Variants in GREB1 observed in about 807,000 individuals in gnomAD.
GREB1 encodes the protein protein GREB1.
Under a neutral mutation model 200.7 loss-of-function variants are expected in GREB1, and 106 were observed. That is an observed-to-expected ratio of 0.53 (90% confidence interval 0.45 to 0.62). The LOEUF is 0.62. Among genes scored for constraint, GREB1 ranks in the 20% least tolerant of loss-of-function variants. The pLI is 0.00. For synonymous variants in GREB1, 1,132 were observed against 1,092.4 expected (o/e 1.04, Z -0.72); for missense variants, 2,243 against 2,556.8 (o/e 0.88, Z 2.65).
chr2:11,625,019 T>C, intron 23 of GREB1, 135 bp from the exon 24 acceptor site: 1 of 729,190 alleles, frequency 1.4e-6, no homozygotes, highest in South Asian at 1.6e-5. Context: ...AAGTGCACTC[T>C]AGGATGTTAG....
intron 4 of GREB1, among the ~76,000 whole-genome samples, chr2:11,572,470 A>G (rs1227398070): frequency 6.6e-6 from 1 of 152,218 alleles, no homozygotes; most frequent in Non-Finnish European, 1.5e-5. Context: ...GAAGCCACCT[A>G]TGGATGCTTC....
chr2:11,585,302 T>C, intron 8 of GREB1, 28 bp downstream of exon 8: 23 of 1,384,514 alleles, frequency 1.7e-5, no homozygotes, highest in Non-Finnish European at 2.3e-5. Context: ...TGCCCAGAAT[T>C]CCAGACTTGG....
rs1446143009 is a variant in GREB1, at chr2:11,548,299, T to C, written c.-161-8155T>C. Among the ~76,000 whole-genome samples the C allele has an allele frequency of 6.8e-6, 1 of 147,110 alleles. No individual in the cohort carries two copies. The highest frequency in any genetic ancestry group is 1.5e-5 in the Non-Finnish European group (1 of 67,796). On this transcript the variant is annotated intron_variant, in intron 1 of 32. Transcript: ENST00000381486. This position sits in a 1 kb window ranked among gnomAD's most constrained non-coding sequence, Gnocchi z 5.1. ...CCAGACACATGCACACACGTGCACA[T>C]ACCCACATATGCACACACACGCACA...
chr2:11,485,261 A>AT (rs1180820409), intron 1 of GREB1, among the ~76,000 whole-genome samples: 2 of 117,398 alleles, frequency 1.7e-5, no homozygotes, highest in African/African-American at 6.2e-5. Flanking sequence ...ATTTTATTTT[A>AT]TATATATATA....
In GREB1 at chr2:11,618,439, C is replaced by T. The variant is rs1683697635; in HGVS notation, c.3564C>T (p.Ala1188=). ...GGGCAAGTCAGGGGCCACCCTCGGC[C>T]ATCAGCAGGCACAGTCCCGGGCCGA... ...RPRASQGPPS[A]ISRHSPGPTP... is the part of the protein sequence containing the mutation. The change falls in exon 22 of 33, where the codon GCC becomes GCT. Residue 1188 remains alanine, a synonymous_variant. Coordinates refer to ENST00000381486, the MANE Select transcript of GREB1 (RefSeq NM_014668.4). The T allele has an allele frequency of 6.2e-7, 1 of 1,606,102 alleles. No individual in the cohort carries two copies. The highest frequency in any genetic ancestry group is 1.1e-5 in the South Asian group (1 of 90,136).
At chr2:11,540,960 A>G (rs1415528195) in intron 1 of GREB1, among the ~76,000 whole-genome samples, 5 of 152,082 alleles carry the variant, frequency 3.3e-5, no homozygotes, top group Non-Finnish European at 7.4e-5. Context: ...CAAACTTTGG[A>G]CTCACCAGAA....
intron 5 of GREB1, among the ~76,000 whole-genome samples, chr2:11,576,904 G>C (rs1192937968): frequency 1.3e-5 from 2 of 151,906 alleles, no homozygotes; most frequent in African/African-American, 4.8e-5. Flanking sequence ...CCATGGTGGT[G>C]CCCGCCTGTA....
At position 11,597,930 on chromosome 2, in the gene GREB1, C is replaced by G; in HGVS notation, c.2104C>G (p.Pro702Ala). 1 of 1,614,192 alleles carries G rather than the reference C, an allele frequency of 6.2e-7. No individual in the cohort carries two copies. Among genetic ancestry groups the G allele is most frequent in the Non-Finnish European group, 8.5e-7 (1 of 1,179,998 alleles). ...EKVDFLICIP[P>A]SEVTYQQTLL... ...GGTGGACTTTCTCATTTGCATTCCC[C>G]CCTCAGAAGTGACCTACCAGCAGAC... Residue 702 changes from proline to alanine, a missense_variant, in exon 14 of 33, where the codon CCC (proline) becomes GCC (alanine). Physicochemically the swap from Pro to Ala is conservative, Grantham distance 27. Transcript: ENST00000381486. This position sits in a 1 kb window ranked among gnomAD's most constrained non-coding sequence, Gnocchi z 4.1.
intron 8 of GREB1, 29 bp downstream of exon 8, chr2:11,585,303 C>T: frequency 7.3e-7 from 1 of 1,378,456 alleles, no homozygotes; most frequent in Non-Finnish European, 9.8e-7. Flanking sequence ...GCCCAGAATT[C>T]CAGACTTGGG....
chr2:11,610,696 G>A lies in GREB1; in HGVS notation c.2675G>A (p.Arg892His), dbSNP rs757704997. 19 of 1,610,364 alleles carry A rather than the reference G, an allele frequency of 1.2e-5. No individual in the cohort carries two copies. The highest frequency in any genetic ancestry group is 3.3e-5 in the South Asian group (3 of 90,816). Residue 892 changes from arginine (R) to histidine (H), a missense_variant, in exon 18 of 33, where the codon CGC (arginine) becomes CAC (histidine). Coordinates refer to ENST00000381486, the MANE Select transcript of GREB1 (RefSeq NM_014668.4). Reference protein sequence around the residue: ...MVTALGKRFPRLHSAVIRTFV... With the variant: ...MVTALGKRFPHLHSAVIRTFV... ...CTCTGTGTTCCTTGCAGGTTCCCCCGCCTGCACAGCGCGGTGATCAGGACC... is the reference window on the plus strand; with the variant it reads ...CTCTGTGTTCCTTGCAGGTTCCCCCACCTGCACAGCGCGGTGATCAGGACC...
intron 1 of GREB1, among the ~76,000 whole-genome samples, chr2:11,536,819 C>G (rs1674312991): frequency 6.6e-6 from 1 of 152,094 alleles, no homozygotes; most frequent in Non-Finnish European, 1.5e-5. Context: ...CAATTCACAC[C>G]TAATGAAGGC....
rs978734182 is a variant in GREB1, at chr2:11,580,167, A to T, written c.773-537A>T. Among the ~76,000 whole-genome samples the T allele has an allele frequency of 3.3e-5, 5 of 151,874 alleles. No homozygotes were observed. Among genetic ancestry groups the T allele is most frequent in the African/African-American group, 1.2e-4 (5 of 41,328 alleles). Reference sequence around the variant, plus strand: ...GGGAAACCACCCCCATGATTCAATTACCTCCCGCCAGGTCCCTCCCACGAC... The same window carrying T: ...GGGAAACCACCCCCATGATTCAATTTCCTCCCGCCAGGTCCCTCCCACGAC... On this transcript the variant is annotated intron_variant, in intron 6 of 32. Coordinates refer to ENST00000381486, the MANE Select transcript of GREB1 (RefSeq NM_014668.4). The surrounding 1 kb of genome is among the most constrained non-coding windows in gnomAD (Gnocchi z 4.5).
chr2:11,587,832 C>A, intron 9 of GREB1: 1 of 1,041,706 alleles, frequency 9.6e-7, no homozygotes, highest in Non-Finnish European at 1.2e-6. Context: ...AGGTTTAGGG[C>A]AGTTAAGCTT....
chr2:11,581,281 C>T (rs976010956), intron 7 of GREB1: 4 of 491,108 alleles, frequency 8.1e-6, no homozygotes, highest in Non-Finnish European at 1.1e-5. Flanking sequence ...GAATTCTGCT[C>T]CAAGGGTTGT....
At chr2:11,568,358 C>G (rs1677906683) in intron 4 of GREB1, among the ~76,000 whole-genome samples, 1 of 152,228 alleles carries the variant, frequency 6.6e-6, no homozygotes, top group Non-Finnish European at 1.5e-5. Context: ...TGTGTGAACT[C>G]TGACACGAGG....
chr2:11,535,817 C>T (rs942756285), intron 1 of GREB1, among the ~76,000 whole-genome samples: 2 of 152,142 alleles, frequency 1.3e-5, no homozygotes, highest in Non-Finnish European at 2.9e-5. Context: ...ACTTCCTGAC[C>T]GTGCCCACTA....
At chr2:11,615,525 G>A (rs1477696426) in intron 20 of GREB1, among the ~76,000 whole-genome samples, 1 of 152,222 alleles carries the variant, frequency 6.6e-6, no homozygotes. Flanking sequence ...GGTGGTGTGA[G>A]AAAATGGAAA....
At chr2:11,542,565 T>G (rs1057198511) in intron 1 of GREB1, 3 of 124,908 alleles carry the variant, frequency 2.4e-5, no homozygotes, top group African/African-American at 9.0e-5. Context: ...ACACACTCCC[T>G]GTGGCCCCAG....
chr2:11,525,446 G>A (rs1157443544), intron 1 of GREB1, among the ~76,000 whole-genome samples: 2 of 132,970 alleles, frequency 1.5e-5, no homozygotes, highest in Non-Finnish European at 3.1e-5. Context: ...GCCATGAGCT[G>A]AAATTGTACC....
Sources: gnomAD v4.1 joint callset for allele counts (sites outside exome capture counted in the v4.1 genomes callset) on GRCh38, gnomAD v4.1.1 for gene constraint, Gnocchi (gnomAD v3.1) non-coding constraint, MANE v1.5 for transcripts, NCBI Gene and HGNC (gene_info 2026-07-23, HGNC 2026-07-21) for gene names.